XPO7: variants seen among roughly 807,000 people sequenced by gnomAD.
The protein encoded by XPO7 is exportin-7.
Under a neutral mutation model 144.3 loss-of-function variants are expected in XPO7, and 21 were observed. The observed-to-expected ratio is 0.15, with a 90% CI of 0.10 to 0.21. XPO7 has a LOEUF of 0.21. Among genes scored for constraint, XPO7 ranks in the 10% least tolerant of loss-of-function variants. XPO7 has a pLI of 1.00. For missense variants in XPO7, 808 were observed against 1,325.8 expected (o/e 0.61, Z 6.06); for synonymous variants, 580 against 499.6 (o/e 1.16, Z -2.15).
chr8:22,004,404 A>G lies in XPO7; in HGVS notation c.3170+374A>G, dbSNP rs376840530. On this transcript the variant is annotated intron_variant, in intron 27 of 27. Transcript: ENST00000252512. ...CATAAATTTACAGTTGACAAAGTAG[A>G]TTCCTGTAATACCCAGATTGTTTCA... Among the ~76,000 whole-genome samples, 7 of 152,312 alleles carry G rather than the reference A, an allele frequency of 4.6e-5. No homozygotes were observed. In the East Asian group the frequency reaches 9.6e-4, roughly 21 times the overall value.
chr8:21,953,807 T>G (rs1043256483), intron 1 of XPO7, among the ~76,000 whole-genome samples: 1 of 152,224 alleles, frequency 6.6e-6, no homozygotes, highest in Admixed American at 6.5e-5. Flanking sequence ...TCTGTGTATC[T>G]TTGGTGAGGT....
chr8:21,998,874 T>C (rs1813041453), intron 22 of XPO7, 37 bp downstream of exon 22: 4 of 1,607,066 alleles, frequency 2.5e-6, no homozygotes, highest in Non-Finnish European at 3.4e-6. Flanking sequence ...TAGAAGTTAA[T>C]TCCAGCTCAG....
chr8:21,950,776 G>GA (rs1811343440), intron 1 of XPO7, among the ~76,000 whole-genome samples: 1 of 151,826 alleles, frequency 6.6e-6, no homozygotes, highest in African/African-American at 2.4e-5. Context: ...CTTTTACTTA[G>GA]AAAATGAGAA....
At chr8:21,995,639 G>T in intron 21 of XPO7, 40 bp downstream of exon 21, 4 of 1,453,250 alleles carry the variant, frequency 2.8e-6, no homozygotes, top group Non-Finnish European at 3.8e-6. Context: ...CATCTGCCCT[G>T]TTATCTGAGA....
chr8:22,004,044 G>A lies in XPO7; in HGVS notation c.3170+14G>A, dbSNP rs775614403. On this transcript the variant is annotated intron_variant, in intron 27 of 27. Transcript: ENST00000252512. ...AAACAGAGACAGGTGAGTATAAAGC[G>A]TCCTGCCTAGAAATCTCAGACAATT... The A allele has an allele frequency of 1.8e-5, 29 of 1,613,152 alleles. No homozygotes were observed. Among genetic ancestry groups the A allele is most frequent in the South Asian group, 1.1e-4 (10 of 91,032 alleles).
intron 19 of XPO7, 23 bp downstream of exon 19, chr8:21,991,997 A>G: frequency 1.3e-6 from 2 of 1,589,398 alleles, no homozygotes; most frequent in Non-Finnish European, 1.7e-6. Context: ...TTCACCCAGT[A>G]ATTAATCAGC....
chr8:21,931,150 T>C (rs2117248336), intron 1 of XPO7, among the ~76,000 whole-genome samples: 1 of 151,838 alleles, frequency 6.6e-6, no homozygotes, highest in South Asian at 2.1e-4. Context: ...ACCCCATGCC[T>C]ATCTTATTTC....
chr8:21,990,498 G>A (rs536732825), intron 17 of XPO7, 91 bp downstream of exon 17: 43 of 1,419,464 alleles, frequency 3.0e-5, no homozygotes, highest in Non-Finnish European at 3.7e-5. Context: ...CTGAGGTCCC[G>A]GGTATTGCTA....
At position 21,990,839 on chromosome 8, in the gene XPO7, A is replaced by G. The variant is rs1324948737; in HGVS notation, c.1961A>G (p.Asn654Ser). Residue 654 changes from asparagine (N) to serine (S), a missense_variant, in exon 18 of 28, where the codon AAC (asparagine) becomes AGC (serine). Around this residue, in one of 5 missense-constraint regions of XPO7, gnomAD observed 416 missense variants for 612.5 expected, o/e 0.68. Coordinates refer to ENST00000252512, the MANE Select transcript of XPO7 (RefSeq NM_015024.5). ...GAGCACTTTTCATTTTTGGGTATTAACAATCAGTCCAACCTGACAGACATG... is the reference window on the plus strand; with the variant it reads ...GAGCACTTTTCATTTTTGGGTATTAGCAATCAGTCCAACCTGACAGACATG... ...TSEHFSFLGI[N>S]NQSNLTDMRC... 6.2e-7 allele frequency: 1 copy of G among 1,613,782 alleles called. No individual in the cohort carries two copies. The highest frequency in any genetic ancestry group is 8.5e-7 in the Non-Finnish European group (1 of 1,179,878).
chr8:22,004,654 T>G (rs1416360646), intron 27 of XPO7, among the ~76,000 whole-genome samples: 1 of 152,080 alleles, frequency 6.6e-6, no homozygotes, highest in African/African-American at 2.4e-5. Context: ...GCAGCCGCCC[T>G]ATTGGACAGC....
intron 11 of XPO7, 80 bp from the exon 12 acceptor site, chr8:21,984,563 TGAA>T: frequency 7.7e-7 from 1 of 1,298,242 alleles, no homozygotes; most frequent in Non-Finnish European, 1.0e-6. Flanking sequence ...GGTGGCTAAG[TGAA>T]GAAGTCAGAG....
intron 1 of XPO7, among the ~76,000 whole-genome samples, chr8:21,935,988 CT>C (rs1244009282): frequency 1.3e-5 from 2 of 152,138 alleles, no homozygotes; most frequent in Non-Finnish European, 2.9e-5. Flanking sequence ...CCAAAACAAC[CT>C]TGTAGAACCC....
At chr8:21,927,385 G>A (rs1261636380) in intron 1 of XPO7, among the ~76,000 whole-genome samples, 1 of 152,124 alleles carries the variant, frequency 6.6e-6, no homozygotes, top group African/African-American at 2.4e-5. Context: ...AGAATGTTGT[G>A]AGCAAGAAGT....
intron 1 of XPO7, among the ~76,000 whole-genome samples, chr8:21,922,193 G>GT (rs1236530929): frequency 6.6e-6 from 1 of 152,256 alleles, no homozygotes; most frequent in African/African-American, 2.4e-5. Context: ...AGGGTGAGCA[G>GT]TTTTTTCATA....
At chr8:21,928,328 A>T (rs1483168089) in intron 1 of XPO7, among the ~76,000 whole-genome samples, 1 of 152,218 alleles carries the variant, frequency 6.6e-6, no homozygotes, top group East Asian at 1.9e-4. Flanking sequence ...GGATGTATCC[A>T]TTCACTCTTT....
At chr8:21,956,263 C>T (rs776536348) in intron 1 of XPO7, among the ~76,000 whole-genome samples, 29 of 152,090 alleles carry the variant, frequency 1.9e-4, no homozygotes, top group Non-Finnish European at 3.7e-4. Flanking sequence ...TCCAGTGTTC[C>T]TTTTGTGATG....
rs1198163973 is a variant in XPO7 at position 22,002,177 on chromosome 8, C to T, written c.2848C>T (p.Leu950=). 6.2e-7 allele frequency: 1 copy of T among 1,613,112 alleles called. No individual in the cohort carries two copies. Among genetic ancestry groups the T allele is most frequent in the South Asian group, 1.1e-5 (1 of 90,808 alleles). The change falls in exon 25 of 28, where the codon CTG becomes TTG. Residue 950 remains leucine, a synonymous_variant. Transcript: ENST00000252512. ...DHIVTYLFKQ[L]SRSTKKRTTP... is the part of the protein sequence containing the mutation. ...CATTGTGACATACCTCTTCAAGCAG[C>T]TGTCACGTAGCACCAAGAAGAGGAC...
intron 1 of XPO7, among the ~76,000 whole-genome samples, chr8:21,940,942 C>T (rs1213242527): frequency 1.3e-5 from 2 of 152,118 alleles, no homozygotes; most frequent in Non-Finnish European, 2.9e-5. Flanking sequence ...CATATGTAAT[C>T]AGCACAACCT....
intron 16 of XPO7, among the ~76,000 whole-genome samples, chr8:21,990,071 G>A (rs182866585): frequency 6.1e-4 from 93 of 151,596 alleles, no homozygotes; most frequent in African/African-American, 1.6e-3. Flanking sequence ...GGATGGTCTC[G>A]ATCTCCTGAC....
Sources: gnomAD v4.1 joint callset for allele counts (sites outside exome capture counted in the v4.1 genomes callset) on GRCh38, gnomAD v4.1.1 for gene constraint, gnomAD v4.1.1 regional missense constraint, MANE v1.5 for transcripts, NCBI Gene and HGNC (gene_info 2026-07-23, HGNC 2026-07-21) for gene names.